The following CDHR2 variants were observed in gnomAD, a reference collection of about 807,000 sequenced individuals.
CDHR2 encodes the protein cadherin-related family member 2.
A neutral mutation model predicts 138.6 loss-of-function variants in CDHR2; 104 were observed. The ratio of observed to expected loss-of-function variants is 0.75; its 90% CI spans 0.64 to 0.88. The LOEUF (loss-of-function observed/expected upper bound fraction) is 0.88, where lower values mean the gene tolerates loss of function less well. CDHR2 is among the 40% of genes least tolerant of loss of function. The pLI is 0.00. For missense variants in CDHR2, 1,624 were observed against 1,727.6 expected (o/e 0.94, Z 1.06); for synonymous variants, 755 against 742.8 (o/e 1.02, Z -0.27).
upstream of CDHR2, among the ~76,000 whole-genome samples, chr5:176,544,643 T>C (rs906186262): frequency 1.3e-5 from 2 of 152,172 alleles, no homozygotes; most frequent in Non-Finnish European, 1.5e-5. Flanking sequence ...TTTCACCATG[T>C]TGGCCAGGCT....
chr5:176,550,647 C>T (rs1379875700), intron 1 of CDHR2, among the ~76,000 whole-genome samples: 1 of 152,220 alleles, frequency 6.6e-6, no homozygotes, highest in East Asian at 1.9e-4. Context: ...AATGAAAAAG[C>T]AGAAGTGAAA....
upstream of CDHR2, among the ~76,000 whole-genome samples, chr5:176,545,131 G>T (rs145424300): frequency 3.0e-4 from 46 of 152,026 alleles, 1 homozygote; most frequent in East Asian, 8.9e-3. Context: ...TTTGTGGGGG[G>T]TGGGGACAGA....
At position 176,591,218 on chromosome 5, in the gene CDHR2, G is replaced by A. The variant is rs751180171; in HGVS notation, c.3548G>A (p.Arg1183Gln). The change falls in exon 29 of 32, where the codon CGG becomes CAG. Residue 1183 changes from arginine (R) to glutamine (Q), a missense_variant. Coordinates refer to ENST00000261944, the MANE Select transcript of CDHR2 (RefSeq NM_017675.6). ...AFVCVRKSYN[R>Q]KLQAMKAAKE... ...CTTCCGGTTCCCCACAGCTACAACC[G>A]GAAGCTTCAAGCTATGAAGGCTGCC... The A allele has an allele frequency of 3.6e-5, 58 of 1,612,394 alleles. No individual in the cohort carries two copies. In the Middle Eastern group the frequency reaches 5.0e-4, roughly 14 times the overall value.
intron 1 of CDHR2, among the ~76,000 whole-genome samples, chr5:176,552,187 T>A (rs1757721493): frequency 6.6e-6 from 1 of 152,200 alleles, no homozygotes; most frequent in African/African-American, 2.4e-5. Context: ...GGTTTCCATT[T>A]GTGCCTTGCT....
chr5:176,579,414 G>A (rs1319639390), intron 16 of CDHR2, among the ~76,000 whole-genome samples: 1 of 152,198 alleles, frequency 6.6e-6, no homozygotes, highest in East Asian at 1.9e-4. Context: ...GCCAGTAAAT[G>A]ATGGCGCTGG....
At chr5:176,581,217 C>T (rs1297899787) in intron 16 of CDHR2, 126 bp from the exon 17 acceptor site, 5 of 1,278,106 alleles carry the variant, frequency 3.9e-6, no homozygotes, top group East Asian at 2.5e-5. Flanking sequence ...GGAGATGGGC[C>T]CAGGGGCTCC....
In CDHR2 at chr5:176,565,379, C is replaced by T. The variant is rs1397044924; in HGVS notation, c.27C>T (p.Phe9=). Reference sequence around the variant, plus strand: ...TGGCCCAGCTATGGCTGTCCTGCTTCCTCCTTCCTGCCCTCGTGGTGTCTG... The same window carrying T: ...TGGCCCAGCTATGGCTGTCCTGCTTTCTCCTTCCTGCCCTCGTGGTGTCTG... MAQLWLSC[F]LLPALVVSVA... is the part of the protein sequence containing the mutation. The change falls in exon 2 of 32, where the codon TTC becomes TTT. Residue 9 remains phenylalanine, a synonymous_variant. Coordinates refer to ENST00000261944, the MANE Select transcript of CDHR2 (RefSeq NM_017675.6). The T allele has an allele frequency of 1.9e-6, 3 of 1,614,034 alleles. No homozygotes were observed. Among genetic ancestry groups the T allele is most frequent in the East Asian group, 2.2e-5 (1 of 44,890 alleles).
At chr5:176,578,939 G>T (rs564576774) in intron 16 of CDHR2, among the ~76,000 whole-genome samples, 2 of 152,180 alleles carry the variant, frequency 1.3e-5, no homozygotes, top group East Asian at 1.9e-4. Context: ...AAATATGAAA[G>T]AAATAAGAAA....
At position 176,553,769 on chromosome 5, in the gene CDHR2, G is replaced by T. The variant is rs1291259366; in HGVS notation, c.-16+4355G>T. Reference sequence around the variant, plus strand: ...TCCCCCAACTGTCACCTCCACCAGCGCCACCTGCGTCTCCACCTTCATCAG... The same window carrying T: ...TCCCCCAACTGTCACCTCCACCAGCTCCACCTGCGTCTCCACCTTCATCAG... On this transcript the variant is annotated intron_variant, in intron 1 of 31. Coordinates refer to ENST00000261944, the MANE Select transcript of CDHR2 (RefSeq NM_017675.6). The surrounding 1 kb of genome is among the most constrained non-coding windows in gnomAD (Gnocchi z 4.3). Among the ~76,000 whole-genome samples the T allele has an allele frequency of 6.7e-6, 1 of 149,628 alleles. No individual in the cohort carries two copies. Among genetic ancestry groups the T allele is most frequent in the Non-Finnish European group, 1.5e-5 (1 of 67,482 alleles).
rs1220472559 is a variant in CDHR2 at position 176,595,673 on chromosome 5, CA to C, written c.*2del. ...TGGCCTGGACACCACGGACCTGTGA[CA>C]GGGGCCCCCACTCTTCTGGACCCCT... On this transcript the variant is annotated 3_prime_UTR_variant, in exon 32 of 32. Coordinates refer to ENST00000261944, the MANE Select transcript of CDHR2 (RefSeq NM_017675.6). The C allele has an allele frequency of 3.2e-6, 5 of 1,583,026 alleles. No homozygotes were observed. The highest frequency in any genetic ancestry group is 4.3e-6 in the Non-Finnish European group (5 of 1,164,034).
chr5:176,585,260 C>G (rs1013593545), intron 19 of CDHR2, among the ~76,000 whole-genome samples: 2 of 151,988 alleles, frequency 1.3e-5, no homozygotes, highest in Non-Finnish European at 2.9e-5. Flanking sequence ...TATTGCAGTG[C>G]CTGGCATGCA....
In CDHR2 at chr5:176,575,047, T is replaced by A. The variant is rs770604940; in HGVS notation, c.496-37T>A. 5.6e-6 allele frequency: 9 copies of A among 1,612,386 alleles called. No individual in the cohort carries two copies. The Middle Eastern group carries it at 8.3e-4, about 149-fold the overall frequency. ...GAGTGGGGTCCTCGGTGCAGGGCTG[T>A]CCCTAGGGAGCCTGACCCAAGTCTG... On this transcript the variant is annotated intron_variant, in intron 7 of 31. Transcript: ENST00000261944.
At chr5:176,546,332 T>A (rs1448635433), upstream of CDHR2, among the ~76,000 whole-genome samples, 1 of 152,132 alleles carries the variant, frequency 6.6e-6, no homozygotes, top group East Asian at 1.9e-4. Flanking sequence ...AAAAAAATCA[T>A]CCCTGGAGTT....
chr5:176,582,723 G>A (rs10447209), intron 17 of CDHR2, among the ~76,000 whole-genome samples: 89,320 of 151,994 alleles, frequency 0.59, 27,447 homozygotes, highest in Non-Finnish European at 0.67. Context: ...TTGAGGCTGC[G>A]GTGAGCTATG....
At position 176,584,731 on chromosome 5, in the gene CDHR2, G is replaced by A. The variant is rs772885651; in HGVS notation, c.2450G>A (p.Arg817His). ...GATGTAGCCTCACTCCGGGGCATCC[G>A]TGTGGCTGAGAATGGCTCACAGCAC... is the stretch of plus-strand genomic sequence containing the variant. ...TLDVASLRGI[R>H]VAENGSQHGQ... Residue 817 changes from arginine (R) to histidine (H), a missense_variant, in exon 19 of 32, where the codon CGT becomes CAT. By Grantham distance (29) the Arg-to-His change is conservative. This residue lies in a region of CDHR2 where 1,061 missense variants were observed against 1,136.6 expected (regional missense o/e 0.93). Coordinates refer to ENST00000261944, the MANE Select transcript of CDHR2 (RefSeq NM_017675.6). The A allele has an allele frequency of 8.1e-6, 13 of 1,614,074 alleles. No homozygotes were observed. Among genetic ancestry groups the A allele is most frequent in the East Asian group, 4.5e-5 (2 of 44,894 alleles).
At chr5:176,572,223 A>G (rs1357461832) in intron 6 of CDHR2, among the ~76,000 whole-genome samples, 1 of 74,870 alleles carries the variant, frequency 1.3e-5, no homozygotes, top group Non-Finnish European at 2.5e-5. Context: ...GTCTCTACTG[A>G]AAAAAAAAAA....
rs777381191 is a variant in CDHR2, at chr5:176,565,748, G to A, written c.124+5G>A. 1 of 1,612,808 alleles carries A rather than the reference G, an allele frequency of 6.2e-7. No individual in the cohort carries two copies. Among genetic ancestry groups the A allele is most frequent in the East Asian group, 2.2e-5 (1 of 44,822 alleles). ...TGCCTGAGGACCTGCCTGTGGGTGA[G>A]TCCCGGTCCCTGTGTCTGCCCCATG... On this transcript the variant is annotated splice_donor_5th_base_variant and intron_variant, in intron 3 of 31. Transcript: ENST00000261944.
At chr5:176,544,393 T>A (rs1304218195), upstream of CDHR2, among the ~76,000 whole-genome samples, 2 of 151,822 alleles carry the variant, frequency 1.3e-5, no homozygotes, top group Non-Finnish European at 2.9e-5. Context: ...CTTCCTTTTT[T>A]TCTTTCTTCT....
chr5:176,574,195 C>T, intron 7 of CDHR2, 23 bp downstream of exon 7: 2 of 1,570,744 alleles, frequency 1.3e-6, no homozygotes, highest in Non-Finnish European at 1.8e-6. Context: ...GGGGCCCTGA[C>T]CGCCTTTGTG....
Sources: allele counts gnomAD v4.1 joint callset (sites outside exome capture counted in the v4.1 genomes callset), GRCh38; gene constraint gnomAD v4.1.1; regional missense constraint gnomAD v4.1.1; non-coding constraint Gnocchi (gnomAD v3.1); transcripts MANE v1.5; gene names NCBI Gene and HGNC (gene_info 2026-07-23, HGNC 2026-07-21).